The following WDR47 variants were observed in gnomAD, a reference collection of about 807,000 sequenced individuals.
WDR47 encodes WD repeat domain 47.
WDR47 carries 32 observed loss-of-function variants against 97.2 expected under a neutral mutation model. The ratio of observed to expected loss-of-function variants is 0.33; its 90% CI spans 0.25 to 0.44. WDR47 has a LOEUF of 0.44. WDR47 is among the 20% of genes least tolerant of loss of function. The pLI is 1.00. For missense variants in WDR47, 782 were observed against 1,102.3 expected (o/e 0.71, Z 4.11); for synonymous variants, 375 against 373.5 (o/e 1.00, Z -0.05).
chr1:108,992,475 G>A (rs1385523881), intron 8 of WDR47: 7 of 1,523,860 alleles, frequency 4.6e-6, no homozygotes, highest in South Asian at 1.1e-5. Flanking sequence ...CGTTACAATG[G>A]TGGAGTTGGC....
chr1:109,017,016 A>C (rs1331530150), intron 3 of WDR47, among the ~76,000 whole-genome samples: 1 of 152,218 alleles, frequency 6.6e-6, no homozygotes, highest in Non-Finnish European at 1.5e-5. Flanking sequence ...GAAAAGCACA[A>C]TATTCAAAAT....
chr1:108,988,911 C>T (rs192996976), intron 9 of WDR47, among the ~76,000 whole-genome samples: 21 of 152,050 alleles, frequency 1.4e-4, no homozygotes, highest in African/African-American at 4.6e-4. Context: ...GCATGCACCA[C>T]CACACCCGGC....
At chr1:108,979,331 A>G (rs573109948) in intron 13 of WDR47, among the ~76,000 whole-genome samples, 3 of 152,340 alleles carry the variant, frequency 2.0e-5, no homozygotes, top group Admixed American at 2.0e-4. Context: ...AATGTAAACA[A>G]TGACTAACTG....
intron 1 of WDR47, among the ~76,000 whole-genome samples, chr1:109,039,414 T>C (rs2102069784): frequency 6.6e-6 from 1 of 152,138 alleles, no homozygotes; most frequent in East Asian, 1.9e-4. Flanking sequence ...CACGCCACCA[T>C]GCCCAGTTAA....
At chr1:109,023,757 T>G (rs1662011381) in intron 1 of WDR47, among the ~76,000 whole-genome samples, 1 of 152,144 alleles carries the variant, frequency 6.6e-6, no homozygotes, top group Non-Finnish European at 1.5e-5. Context: ...ACAGATTAAA[T>G]GATATAAACT....
intron 9 of WDR47, among the ~76,000 whole-genome samples, chr1:108,988,718 A>C (rs1659056399): frequency 6.6e-6 from 1 of 151,924 alleles, no homozygotes; most frequent in African/African-American, 2.4e-5. Context: ...TCCCTTTAAA[A>C]CTGTAAAAAT....
Position 108,995,613 on chromosome 1 carries a change from G to A in WDR47, c.1658C>T (p.Pro553Leu). The change falls in exon 8 of 15, where the codon CCT (proline) becomes CTT (leucine). Residue 553 changes from proline to leucine, a missense_variant. This residue lies in a region of WDR47 where 126 missense variants were observed against 121.3 expected (regional missense o/e 1.04). Transcript: ENST00000369962. ...TCCACAAGGTGATTCCTCCAGAAAA[G>A]GTATGTGATTTGTTGATCCAGGATT... ...PRNPGSTNHIPFLEESPCGSQ... is the reference protein window; with the variant it reads ...PRNPGSTNHILFLEESPCGSQ... 1 of 1,614,112 alleles carries A rather than the reference G, an allele frequency of 6.2e-7. No individual in the cohort carries two copies. The highest frequency in any genetic ancestry group is 8.5e-7 in the Non-Finnish European group (1 of 1,180,000).
intron 2 of WDR47, among the ~76,000 whole-genome samples, chr1:109,022,741 T>C (rs928990358): frequency 1.3e-5 from 2 of 151,628 alleles, no homozygotes; most frequent in Non-Finnish European, 2.9e-5. Flanking sequence ...TGTGCCACCA[T>C]GCCCGGTTAA....
chr1:109,041,257 C>G (rs1250940167), intron 1 of WDR47, among the ~76,000 whole-genome samples: 1 of 152,214 alleles, frequency 6.6e-6, no homozygotes, highest in Non-Finnish European at 1.5e-5. Context: ...AGGCGCCCCT[C>G]CAGCGCAATC....
chr1:109,019,036 C>T (rs1190287593), intron 2 of WDR47, among the ~76,000 whole-genome samples: 4 of 152,032 alleles, frequency 2.6e-5, no homozygotes, highest in Non-Finnish European at 5.9e-5. Context: ...CCACTCCACT[C>T]CAGCCTGGCA....
rs1377692842 is a variant in WDR47 at position 109,011,276 on chromosome 1, G to A, written c.770C>T (p.Ser257Phe). The A allele has an allele frequency of 1.9e-6, 3 of 1,614,034 alleles. No homozygotes were observed. Among genetic ancestry groups the A allele is most frequent in the Non-Finnish European group, 2.5e-6 (3 of 1,180,046 alleles). ...AAGCATTTTCTGTTCAAAAGCACAA[G>A]AGAAGACAGAAGATGGAAGATTCTG... ...WLQNLPSSVFSCAFEQKMLNI... is the reference protein window; with the variant it reads ...WLQNLPSSVFFCAFEQKMLNI... The change falls in exon 5 of 15, where the codon TCT (serine) becomes TTT (phenylalanine). Residue 257 changes from serine to phenylalanine, a missense_variant. Transcript: ENST00000369962.
intron 1 of WDR47, among the ~76,000 whole-genome samples, chr1:109,024,122 G>A (rs186852385): frequency 5.3e-4 from 81 of 152,318 alleles, no homozygotes; most frequent in African/African-American, 1.9e-3. Flanking sequence ...GACCTGGTCA[G>A]TACAGCGGAG....
intron 8 of WDR47, among the ~76,000 whole-genome samples, chr1:108,991,907 C>G (rs1342635938): frequency 6.6e-6 from 1 of 152,116 alleles, no homozygotes; most frequent in African/African-American, 2.4e-5. Flanking sequence ...AAGCAATCCT[C>G]CCACCTCAAC....
At chr1:109,025,595 G>T (rs1473289077) in intron 1 of WDR47, among the ~76,000 whole-genome samples, 1 of 151,770 alleles carries the variant, frequency 6.6e-6, no homozygotes, top group Non-Finnish European at 1.5e-5. Flanking sequence ...TTAGCGGAGC[G>T]TGGTGGCACG....
chr1:109,012,572 C>CAAAAAAAAAAAACAAAAA (rs746405816), intron 4 of WDR47, among the ~76,000 whole-genome samples: 1 of 73,852 alleles, frequency 1.4e-5, no homozygotes, highest in Non-Finnish European at 2.4e-5. Context: ...GACTCCATCT[C>CAAAAAAAAAAAACAAAAA]AAAAAAAAAA....
intron 6 of WDR47, 39 bp downstream of exon 6, chr1:109,004,553 A>G: frequency 6.4e-7 from 1 of 1,573,734 alleles, no homozygotes; most frequent in Non-Finnish European, 8.6e-7. Flanking sequence ...TCTTACAAAG[A>G]GAATAACTCT....
chr1:108,975,796 T>C (rs950113906), intron 13 of WDR47, among the ~76,000 whole-genome samples: 8 of 151,782 alleles, frequency 5.3e-5, no homozygotes, highest in African/African-American at 1.9e-4. Context: ...AATAAGAGTA[T>C]GTATGTATGT....
At chr1:109,010,282 C>T (rs1660942926) in intron 5 of WDR47, among the ~76,000 whole-genome samples, 1 of 152,154 alleles carries the variant, frequency 6.6e-6, no homozygotes, top group African/African-American at 2.4e-5. Context: ...CACTCCTGGG[C>T]ATGGTGGTTC....
At chr1:108,979,393 G>A (rs35954839) in intron 13 of WDR47, among the ~76,000 whole-genome samples, 10,587 of 152,286 alleles carry the variant, frequency 0.07, 484 homozygotes, top group Middle Eastern at 0.13. Context: ...GGGCAGGGTG[G>A]TGTGTGCCTA....
Sources: allele counts gnomAD v4.1 joint callset (sites outside exome capture counted in the v4.1 genomes callset), GRCh38; gene constraint gnomAD v4.1.1; regional missense constraint gnomAD v4.1.1; transcripts MANE v1.5; gene names NCBI Gene and HGNC (gene_info 2026-07-23, HGNC 2026-07-21).